ZSWIM6: variants seen among roughly 807,000 people sequenced by gnomAD.
ZSWIM6 encodes the protein zinc finger SWIM domain-containing protein 6.
In ZSWIM6, 9 loss-of-function variants were observed where a neutral mutation model predicts 113.2. That is an observed-to-expected ratio of 0.08 (90% CI 0.05 to 0.14). ZSWIM6 has a LOEUF of 0.14. ZSWIM6 is among the 10% of genes least tolerant of loss of function. The pLI is 1.00. For synonymous variants in ZSWIM6, 611 were observed against 606.5 expected, an observed-to-expected ratio of 1.01 and a Z score of -0.11; for missense variants, 1,162 against 1,552.2, an observed-to-expected ratio of 0.75 and a Z score of 4.22.
intron 1 of ZSWIM6, among the ~76,000 whole-genome samples, chr5:61,355,641 A>AT (rs894649176): frequency 6.6e-6 from 1 of 152,202 alleles, no homozygotes; most frequent in African/African-American, 2.4e-5. Context: ...ATTATGCTAA[A>AT]TATCAATCTG....
intron 5 of ZSWIM6, among the ~76,000 whole-genome samples, 192 bp from the exon 6 acceptor site, chr5:61,525,608 A>G (rs1749253132): frequency 6.6e-6 from 1 of 152,164 alleles, no homozygotes; most frequent in Admixed American, 6.6e-5. Flanking sequence ...AAGTGAGTGA[A>G]TGGTGGCTCT....
chr5:61,332,467 G>T lies in ZSWIM6; in HGVS notation c.195G>T (p.Leu65Phe). The change falls in exon 1 of 14, where the codon TTG becomes TTT. Residue 65 changes from leucine to phenylalanine, a missense_variant. Around this residue, in one of 4 missense-constraint regions of ZSWIM6, gnomAD observed 333 missense variants for 293.4 expected, o/e 1.13. Coordinates refer to ENST00000252744, the MANE Select transcript of ZSWIM6 (RefSeq NM_020928.2). ...AACGGGAALG[L>F]LPPGKTQSPE... ...GCGGGGGCGGCGCGGCGCTGGGGTTGCTGCCGCCGGGCAAGACCCAGAGCC... is the reference window on the plus strand; with the variant it reads ...GCGGGGGCGGCGCGGCGCTGGGGTTTCTGCCGCCGGGCAAGACCCAGAGCC... 1 of 1,123,974 alleles carries T rather than the reference G, an allele frequency of 8.9e-7. No homozygotes were observed. The highest frequency in any genetic ancestry group is 1.1e-6 in the Non-Finnish European group (1 of 903,154). The allele number at this position is 1,123,974 out of a possible 1,614,324, so 69.6% of individuals were successfully genotyped here. A position where few individuals can be genotyped will look rare whatever the true frequency, so the allele number is the denominator to read the frequency against.
chr5:61,392,834 A>G (rs2112094118), intron 1 of ZSWIM6, among the ~76,000 whole-genome samples: 1 of 151,908 alleles, frequency 6.6e-6, no homozygotes, highest in South Asian at 2.1e-4. Flanking sequence ...CTGGTCTCGA[A>G]CTCCCAACCT....
chr5:61,514,720 C>G (rs564448917), intron 4 of ZSWIM6, among the ~76,000 whole-genome samples: 2 of 152,090 alleles, frequency 1.3e-5, no homozygotes, highest in East Asian at 3.9e-4. Context: ...CTGTGATAAA[C>G]CCTATGTTGT....
intron 4 of ZSWIM6, among the ~76,000 whole-genome samples, chr5:61,511,523 C>T (rs1748787261): frequency 6.6e-6 from 1 of 151,960 alleles, no homozygotes; most frequent in Admixed American, 6.6e-5. Flanking sequence ...GAGTTGGGGC[C>T]CTTGGGAGGT....
Position 61,354,246 on chromosome 5 carries a change from T to G in ZSWIM6, c.676+21298T>G, listed in dbSNP as rs186464740. On this transcript the variant is annotated intron_variant, in intron 1 of 13. Coordinates refer to ENST00000252744, the MANE Select transcript of ZSWIM6 (RefSeq NM_020928.2). ...CCTGTAGCATTTGCAGCTTTCTGTG[T>G]AGACTGGGCACAAGTTAAAAGCTTA... Among the ~76,000 whole-genome samples, 289 of 152,344 alleles carry G rather than the reference T, an allele frequency of 1.9e-3. 2 individuals are homozygous for G. The highest frequency in any genetic ancestry group is 4.8e-3 in the Admixed American group (74 of 15,298).
At chr5:61,480,126 C>T (rs550658367) in intron 2 of ZSWIM6, among the ~76,000 whole-genome samples, 3 of 152,150 alleles carry the variant, frequency 2.0e-5, no homozygotes, top group Non-Finnish European at 4.4e-5. Context: ...ACCTGAAAAG[C>T]ACTGTGTTTT....
chr5:61,394,190 C>T (rs1477389818), intron 1 of ZSWIM6, among the ~76,000 whole-genome samples: 1 of 152,168 alleles, frequency 6.6e-6, no homozygotes, highest in East Asian at 1.9e-4. Context: ...AAGAAAATTC[C>T]CATCCTTTAG....
intron 1 of ZSWIM6, among the ~76,000 whole-genome samples, chr5:61,356,576 G>T (rs947457343): frequency 9.4e-5 from 14 of 149,470 alleles, no homozygotes; most frequent in African/African-American, 3.4e-4. Flanking sequence ...CTTTGGACTT[G>T]GCTGTGAAAA....
intron 1 of ZSWIM6, among the ~76,000 whole-genome samples, chr5:61,413,593 G>T (rs1230158826): frequency 6.6e-6 from 1 of 152,036 alleles, no homozygotes; most frequent in African/African-American, 2.4e-5. Flanking sequence ...CTGAGAAATC[G>T]CCACACTGAC....
chr5:61,335,820 C>T (rs970277366), intron 1 of ZSWIM6, among the ~76,000 whole-genome samples: 5 of 152,000 alleles, frequency 3.3e-5, no homozygotes, highest in African/African-American at 1.2e-4. Context: ...GTTACTGTTT[C>T]TCAACTTCTA....
At chr5:61,453,068 A>G (rs956423043) in intron 1 of ZSWIM6, among the ~76,000 whole-genome samples, 3 of 152,236 alleles carry the variant, frequency 2.0e-5, no homozygotes, top group Non-Finnish European at 4.4e-5. Flanking sequence ...AGGGAAGTAC[A>G]TGATAGCAAC....
At chr5:61,375,072 G>C (rs1745343691) in intron 1 of ZSWIM6, 2 of 1,572,496 alleles carry the variant, frequency 1.3e-6, no homozygotes, top group Non-Finnish European at 1.8e-6. Flanking sequence ...TCTCCGGCCC[G>C]GTTTCCCTCG....
chr5:61,471,090 G>A lies in ZSWIM6; in HGVS notation c.677-1591G>A, dbSNP rs2112181998. Among the ~76,000 whole-genome samples the A allele has an allele frequency of 2.0e-5, 3 of 152,288 alleles. No homozygotes were observed. In the South Asian group the frequency reaches 6.2e-4, roughly 32 times the overall value. ...AATCCTTTTCTTTGTGAATGAAGGG[G>A]AACTGGAAGAAACAGTGGCTAGCTA... On this transcript the variant is annotated intron_variant, in intron 1 of 13. Coordinates refer to ENST00000252744, the MANE Select transcript of ZSWIM6 (RefSeq NM_020928.2).
At chr5:61,394,355 C>T (rs1226482894) in intron 1 of ZSWIM6, among the ~76,000 whole-genome samples, 1 of 152,198 alleles carries the variant, frequency 6.6e-6, no homozygotes, top group Non-Finnish European at 1.5e-5. Context: ...TTCTCCAGGG[C>T]TGGGAGTGAA....
intron 1 of ZSWIM6, among the ~76,000 whole-genome samples, chr5:61,349,034 T>C (rs1744730798): frequency 1.3e-5 from 2 of 152,150 alleles, no homozygotes; most frequent in African/African-American, 2.4e-5. Context: ...CTTTGTAGGA[T>C]TGTAGATTTC....
intron 2 of ZSWIM6, among the ~76,000 whole-genome samples, chr5:61,489,797 A>G (rs757032673): frequency 6.6e-6 from 1 of 152,006 alleles, no homozygotes; most frequent in Non-Finnish European, 1.5e-5. Flanking sequence ...GAATGAATGA[A>G]CATACACTTT....
chr5:61,531,873 C>T, intron 9 of ZSWIM6, 148 bp downstream of exon 9: 1 of 892,482 alleles, frequency 1.1e-6, no homozygotes, highest in Non-Finnish European at 1.7e-6. Context: ...TGTTCGCTGT[C>T]TAAAAAATAG....
chr5:61,518,756 A>G (rs1222804897), intron 4 of ZSWIM6, among the ~76,000 whole-genome samples: 1 of 151,812 alleles, frequency 6.6e-6, no homozygotes, highest in Non-Finnish European at 1.5e-5. Context: ...CACTCTGATG[A>G]TAGTTTCTTT....
Sources: gnomAD v4.1 joint callset for allele counts (sites outside exome capture counted in the v4.1 genomes callset) on GRCh38, gnomAD v4.1.1 for gene constraint, gnomAD v4.1.1 regional missense constraint, MANE v1.5 for transcripts, NCBI Gene and HGNC (gene_info 2026-07-23, HGNC 2026-07-21) for gene names.